Variants in LRRTM4 observed in about 807,000 individuals in gnomAD.
LRRTM4 encodes leucine-rich repeat transmembrane neuronal protein 4.
LRRTM4 carries 25 observed loss-of-function variants against 47.6 expected under a neutral mutation model. The ratio of observed to expected loss-of-function variants is 0.53; its 90% CI spans 0.38 to 0.73. The LOEUF is 0.73. LRRTM4 is among the 30% of genes least tolerant of loss of function. The probability of loss-of-function intolerance (pLI) is 0.00; values close to 1 mark genes in which losing one functional copy is unlikely to be tolerated. For synonymous variants in LRRTM4, 311 were observed against 269.5 expected, an observed-to-expected ratio of 1.15 and a Z score of -1.51; for missense variants, 638 against 713.4, an observed-to-expected ratio of 0.89 and a Z score of 1.20.
chr2:76,864,573 C>T (rs1672410755), intron 3 of LRRTM4, among the ~76,000 whole-genome samples: 1 of 150,562 alleles, frequency 6.6e-6, no homozygotes. Context: ...AGGGGAATTG[C>T]TTGAATGTAG....
intron 3 of LRRTM4, among the ~76,000 whole-genome samples, chr2:76,795,184 G>A (rs987790626): frequency 1.3e-5 from 2 of 151,728 alleles, no homozygotes; most frequent in Non-Finnish European, 2.9e-5. Flanking sequence ...CATAGAAAAA[G>A]GTGCCCGAAT....
Position 77,085,755 on chromosome 2 carries a change from A to T in LRRTM4, c.1552-336839T>A, listed in dbSNP as rs76613967. On this transcript the variant is annotated intron_variant, in intron 3 of 3. Transcript: ENST00000409884. ...TATGTCTCTTTTCAGTATTGTGTAC[A>T]TCATCTAATGATTTTCTGTTGGCTT... 7.7e-4 allele frequency among the ~76,000 whole-genome samples: 117 copies of T among 152,328 alleles called. 3 individuals carry two copies. In the East Asian group the frequency reaches 0.016, roughly 20 times the overall value.
At chr2:77,089,841 T>C (rs1272649564) in intron 3 of LRRTM4, among the ~76,000 whole-genome samples, 2 of 152,136 alleles carry the variant, frequency 1.3e-5, no homozygotes, top group Non-Finnish European at 2.9e-5. Flanking sequence ...ATCTAAATAA[T>C]TCTTGTCGTA....
At chr2:77,105,942 G>A (rs1195927386) in intron 3 of LRRTM4, among the ~76,000 whole-genome samples, 9 of 152,066 alleles carry the variant, frequency 5.9e-5, no homozygotes, top group African/African-American at 2.2e-4. Flanking sequence ...ATTAGTTCCT[G>A]TCATACTTTG....
chr2:77,205,226 T>G (rs1674088614), intron 3 of LRRTM4, among the ~76,000 whole-genome samples: 1 of 152,218 alleles, frequency 6.6e-6, no homozygotes, highest in African/African-American at 2.4e-5. Flanking sequence ...GCTTTGTTTT[T>G]AGTTTTGTTT....
At chr2:76,755,030 A>G (rs1043979348) in intron 3 of LRRTM4, among the ~76,000 whole-genome samples, 4 of 152,136 alleles carry the variant, frequency 2.6e-5, no homozygotes, top group Non-Finnish European at 4.4e-5. Flanking sequence ...GTTGTTAGCC[A>G]ATCAGCTTTG....
At chr2:77,333,603 T>G (rs986214894) in intron 3 of LRRTM4, among the ~76,000 whole-genome samples, 17 of 152,200 alleles carry the variant, frequency 1.1e-4, no homozygotes, top group African/African-American at 3.6e-4. Flanking sequence ...GAATTGAGGT[T>G]TGAGAATCTC....
chr2:77,034,416 A>C (rs902076472), intron 3 of LRRTM4, among the ~76,000 whole-genome samples: 3 of 151,906 alleles, frequency 2.0e-5, no homozygotes, highest in Non-Finnish European at 4.4e-5. Flanking sequence ...TTTTAATATC[A>C]ATATGCACAT....
At chr2:76,996,752 C>T (rs1172544212) in intron 3 of LRRTM4, among the ~76,000 whole-genome samples, 1 of 151,422 alleles carries the variant, frequency 6.6e-6, no homozygotes, top group African/African-American at 2.4e-5. Flanking sequence ...AGTTTCCTCA[C>T]AATCTGCTGA....
At chr2:77,078,797 A>G (rs1288641251) in intron 3 of LRRTM4, among the ~76,000 whole-genome samples, 2 of 152,164 alleles carry the variant, frequency 1.3e-5, no homozygotes, top group African/African-American at 4.8e-5. Context: ...ACTTCATTCC[A>G]GATGCTCTAA....
intron 3 of LRRTM4, among the ~76,000 whole-genome samples, chr2:77,215,121 T>A (rs1674400150): frequency 6.6e-6 from 1 of 152,170 alleles, no homozygotes; most frequent in South Asian, 2.1e-4. Context: ...GTACAATCTA[T>A]ATTTTAAGAA....
chr2:76,969,842 G>A (rs549461144), intron 3 of LRRTM4, among the ~76,000 whole-genome samples: 1 of 151,948 alleles, frequency 6.6e-6, no homozygotes, highest in South Asian at 2.1e-4. Flanking sequence ...CATTTTCTTA[G>A]GGAGAAAATA....
intron 3 of LRRTM4, among the ~76,000 whole-genome samples, chr2:77,038,536 T>C (rs1278986334): frequency 6.6e-6 from 1 of 151,614 alleles, no homozygotes; most frequent in Non-Finnish European, 1.5e-5. Context: ...ACTGACTAGA[T>C]ACAAAATTCT....
chr2:77,373,084 AAAAAAT>A lies in LRRTM4; in HGVS notation c.1551+145228_1551+145233del, dbSNP rs1354974855. Among the ~76,000 whole-genome samples the A allele has an allele frequency of 1.2e-3, 159 of 127,226 alleles. 4 individuals are homozygous for A. The highest frequency in any genetic ancestry group is 3.7e-4 in the Non-Finnish European group (22 of 59,576). The allele number at this position is 127,226 out of a possible 152,430, so 83.5% of individuals were successfully genotyped here. ...CTCAAAAGCAAACCAACAATTAAAA[AAAAAAT>A]ATATATATATATATATATACGCACA... On this transcript the variant is annotated intron_variant, in intron 3 of 3. Coordinates refer to ENST00000409884, the MANE Select transcript of LRRTM4 (RefSeq NM_001134745.3).
intron 3 of LRRTM4, among the ~76,000 whole-genome samples, chr2:76,949,814 T>C (rs1176245697): frequency 6.6e-6 from 1 of 151,860 alleles, no homozygotes; most frequent in African/African-American, 2.4e-5. Context: ...GATGATGACA[T>C]TAAGAAAACA....
intron 3 of LRRTM4, among the ~76,000 whole-genome samples, chr2:77,435,952 T>C (rs1675577629): frequency 6.6e-6 from 1 of 152,186 alleles, no homozygotes; most frequent in South Asian, 2.1e-4. Context: ...AATGGTATAA[T>C]TAGAGAATTA....
At chr2:76,880,124 GTT>G (rs971668433) in intron 3 of LRRTM4, among the ~76,000 whole-genome samples, 1 of 152,192 alleles carries the variant, frequency 6.6e-6, no homozygotes, top group African/African-American at 2.4e-5. Flanking sequence ...CATGAATTTT[GTT>G]GATAAAGTAG....
intron 3 of LRRTM4, among the ~76,000 whole-genome samples, chr2:76,873,393 A>T (rs1275998785): frequency 2.0e-5 from 3 of 151,062 alleles, no homozygotes; most frequent in Non-Finnish European, 4.4e-5. Context: ...ATATAAATAT[A>T]TAGTCTGTAT....
intron 3 of LRRTM4, among the ~76,000 whole-genome samples, chr2:77,350,672 A>G (rs946614407): frequency 2.6e-5 from 4 of 152,172 alleles, no homozygotes; most frequent in Non-Finnish European, 5.9e-5. Flanking sequence ...AATCCTTTAT[A>G]ATATCTACAA....
Sources: gnomAD v4.1 joint callset for allele counts (sites outside exome capture counted in the v4.1 genomes callset) on GRCh38, gnomAD v4.1.1 for gene constraint, MANE v1.5 for transcripts, NCBI Gene and HGNC (gene_info 2026-07-23, HGNC 2026-07-21) for gene names.